Variants in COX17 observed in about 807,000 individuals in gnomAD.
COX17 encodes the protein cytochrome c oxidase copper chaperone.
A neutral mutation model predicts 6.3 loss-of-function variants in COX17; 1 was observed. The ratio of observed to expected loss-of-function variants is 0.16; its 90% CI spans 0.06 to 0.75. The LOEUF is 0.75. Among genes scored for constraint, COX17 ranks in the 30% least tolerant of loss-of-function variants. The pLI, the probability that COX17 is intolerant of heterozygous loss-of-function variation, is 0.77. For missense variants in COX17, 73 were observed against 81.2 expected (o/e 0.90, Z 0.39); for synonymous variants, 26 against 30.5 (o/e 0.85, Z 0.49).
chr3:119,670,755 TGTGTGTG>T (rs1384095271), intron 2 of COX17, among the ~76,000 whole-genome samples: 2 of 5,652 alleles, frequency 3.5e-4, no homozygotes, highest in Non-Finnish European at 9.2e-4. Flanking sequence ...ATCAGTTTTG[TGTGTGTG>T]TGTGTGTGTG....
chr3:119,675,695 A>C, intron 1 of COX17: 1 of 153,986 alleles, frequency 6.5e-6, no homozygotes, highest in African/African-American at 2.4e-5. Context: ...AGACCGAGAT[A>C]AACACCCCCT....
chr3:119,668,091 G>A (rs2053010586), downstream of COX17, among the ~76,000 whole-genome samples: 1 of 152,064 alleles, frequency 6.6e-6, no homozygotes, highest in Admixed American at 6.5e-5. Flanking sequence ...AAATACCTTA[G>A]GGGCAAAACA....
At chr3:119,676,948 A>G in intron 1 of COX17, 1 of 675,406 alleles carries the variant, frequency 1.5e-6, no homozygotes, top group Non-Finnish European at 2.7e-6. Flanking sequence ...ATAAGTCAAC[A>G]GAGACCCGAC....
rs1480896247 is a variant in COX17, at chr3:119,677,315, C to G, written c.-5G>C. 4.3e-6 allele frequency: 7 copies of G among 1,610,384 alleles called. No individual in the cohort carries two copies. Among genetic ancestry groups the G allele is most frequent in the Non-Finnish European group, 5.9e-6 (7 of 1,179,128 alleles). ...TGAGTCAACCAGACCCGGCATCTTT[C>G]GCGCCAAAAGCAGCTATGAGCGGAG... On this transcript the variant is annotated 5_prime_UTR_variant, in exon 1 of 3. Transcript: ENST00000261070.
rs942302289 is a variant in COX17, at chr3:119,675,226, C to T, written c.115G>A (p.Glu39Lys). The change falls in exon 2 of 3, where the codon GAG becomes AAG. Residue 39 changes from glutamate (E) to lysine (K), a missense_variant. Glu to Lys is a moderately conservative substitution (Grantham distance 56, BLOSUM62 1). Coordinates refer to ENST00000261070, the MANE Select transcript of COX17 (RefSeq NM_005694.2). ...TKKARDACIIEKGEEHCGHLI... is the reference protein window; with the variant it reads ...TKKARDACIIKKGEEHCGHLI... ...TGTCCACAGTGTTCTTCTCCTTTCT[C>T]GATGATACTATAAAACAAAATGTAC... The T allele has an allele frequency of 2.5e-6, 4 of 1,610,116 alleles. No individual in the cohort carries two copies. The highest frequency in any genetic ancestry group is 2.2e-5 in the South Asian group (2 of 90,988).
At chr3:119,671,861 C>T (rs573945347) in intron 2 of COX17, among the ~76,000 whole-genome samples, 19 of 152,194 alleles carry the variant, frequency 1.2e-4, no homozygotes, top group African/African-American at 3.4e-4. Flanking sequence ...CTTCCATTTC[C>T]CCATGGAGGT....
chr3:119,665,816 A>C (rs1376967218), downstream of COX17, among the ~76,000 whole-genome samples: 17 of 152,230 alleles, frequency 1.1e-4, no homozygotes, highest in Non-Finnish European at 1.5e-5. Flanking sequence ...TCCAGTTGAA[A>C]GCATCCTAAT....
At chr3:119,671,849 T>G (rs2053047362) in intron 2 of COX17, among the ~76,000 whole-genome samples, 1 of 152,210 alleles carries the variant, frequency 6.6e-6, no homozygotes, top group Non-Finnish European at 1.5e-5. Flanking sequence ...GACTTCACTG[T>G]GCTTCCATTT....
At chr3:119,668,394 T>C (rs182439850), downstream of COX17, among the ~76,000 whole-genome samples, 180 of 152,280 alleles carry the variant, frequency 1.2e-3, no homozygotes, top group Non-Finnish European at 2.1e-3. Flanking sequence ...AATCATGAAG[T>C]GCTTACTAAA....
At chr3:119,676,862 A>C (rs1325950625) in intron 1 of COX17, 2 of 702,598 alleles carry the variant, frequency 2.8e-6, no homozygotes, top group Non-Finnish European at 2.6e-6. Context: ...CTCAACACAC[A>C]TTTGTAGGAA....
rs11558040 is a variant in COX17 at position 119,677,306 on chromosome 3, G to C, written c.5C>G (p.Pro2Arg). The change falls in exon 1 of 3, where the codon CCG becomes CGG. Residue 2 changes from proline to arginine, a missense_variant. By Grantham distance (103) the Pro-to-Arg change is moderately radical. Coordinates refer to ENST00000261070, the MANE Select transcript of COX17 (RefSeq NM_005694.2). M[P>R]GLVDSNPAPP... ...GGCAGGGTTTGAGTCAACCAGACCC[G>C]GCATCTTTCGCGCCAAAAGCAGCTA... is the stretch of plus-strand genomic sequence containing the variant. 9.3e-6 allele frequency: 15 copies of C among 1,610,968 alleles called. No individual in the cohort carries two copies. The highest frequency in any genetic ancestry group is 1.3e-5 in the Non-Finnish European group (15 of 1,179,414).
At chr3:119,666,315 C>A (rs1190247329), downstream of COX17, among the ~76,000 whole-genome samples, 1 of 152,190 alleles carries the variant, frequency 6.6e-6, no homozygotes, top group Non-Finnish European at 1.5e-5. Flanking sequence ...CAAGCAAGCA[C>A]ATGACGGGCT....
At chr3:119,665,624 TC>T (rs1234344871), downstream of COX17, among the ~76,000 whole-genome samples, 3 of 152,224 alleles carry the variant, frequency 2.0e-5, no homozygotes, top group Admixed American at 6.5e-5. Context: ...TCCTCTGGCC[TC>T]AGTCTCCCAA....
At chr3:119,666,182 G>T, downstream of COX17, among the ~76,000 whole-genome samples, 1 of 152,142 alleles carries the variant, frequency 6.6e-6, no homozygotes. Context: ...AAGGTATTCT[G>T]TTGATAACTA....
intron 1 of COX17, chr3:119,675,617 T>C (rs1482063762): frequency 6.2e-6 from 1 of 160,810 alleles, no homozygotes; most frequent in East Asian, 1.8e-4. Context: ...CTTTCTGATT[T>C]TGCCCTACAT....
intron 1 of COX17, 177 bp downstream of exon 1, chr3:119,677,023 CGGGG>C (rs553331091): frequency 0.017 from 5,651 of 336,404 alleles, 153 homozygotes; most frequent in South Asian, 0.045. Context: ...CGGGGCGGGG[CGGGG>C]GGGGGGGGCA....
At chr3:119,668,412 T>C (rs1054498214), downstream of COX17, among the ~76,000 whole-genome samples, 35 of 152,278 alleles carry the variant, frequency 2.3e-4, no homozygotes, top group African/African-American at 8.4e-4. Context: ...AAAAGTATTA[T>C]ATCCAAATGA....
intron 2 of COX17, among the ~76,000 whole-genome samples, chr3:119,671,631 G>A (rs556655418): frequency 1.1e-3 from 164 of 152,212 alleles, no homozygotes; most frequent in African/African-American, 3.8e-3. Flanking sequence ...GTACATTTCC[G>A]CAACAAGTCT....
chr3:119,665,110 T>A (rs369498710), downstream of COX17: 1 of 152,140 alleles, frequency 6.6e-6, no homozygotes, highest in South Asian at 2.1e-4. Context: ...TGAACTAAGA[T>A]TGGTTGAAGC....
Sources: gnomAD v4.1 joint callset for allele counts (sites outside exome capture counted in the v4.1 genomes callset) on GRCh38, gnomAD v4.1.1 for gene constraint, MANE v1.5 for transcripts, NCBI Gene and HGNC (gene_info 2026-07-23, HGNC 2026-07-21) for gene names.